The following PCDHGA6 variants were observed in gnomAD, a reference collection of about 807,000 sequenced individuals.
PCDHGA6 encodes protocadherin gamma-A6.
Under a neutral mutation model 60.6 loss-of-function variants are expected in PCDHGA6, and 41 were observed. That is an observed-to-expected ratio of 0.68 (90% confidence interval 0.53 to 0.88). PCDHGA6 has a LOEUF of 0.88. Among genes scored for constraint, PCDHGA6 ranks in the 40% least tolerant of loss-of-function variants. The probability of loss-of-function intolerance (pLI) is 0.00; values close to 1 mark genes in which losing one functional copy is unlikely to be tolerated. For missense variants in PCDHGA6, 1,312 were observed against 1,203.0 expected (o/e 1.09, Z -1.34); for synonymous variants, 594 against 524.4 (o/e 1.13, Z -1.81).
intron 1 of PCDHGA6, among the ~76,000 whole-genome samples, chr5:141,444,257 C>T (rs376980362): frequency 1.2e-4 from 18 of 147,512 alleles, no homozygotes; most frequent in East Asian, 6.0e-4. Context: ...CTGCAACCTC[C>T]GCCTCCCAGG....
At chr5:141,474,398 C>A (rs1381347745) in intron 1 of PCDHGA6, among the ~76,000 whole-genome samples, 3 of 152,212 alleles carry the variant, frequency 2.0e-5, no homozygotes, top group Non-Finnish European at 4.4e-5. Context: ...TTCTAACAAG[C>A]TCCCCGGTGA....
intron 1 of PCDHGA6, chr5:141,398,744 G>C (rs1561665852): frequency 1.2e-6 from 2 of 1,613,854 alleles, no homozygotes; most frequent in East Asian, 4.5e-5. Flanking sequence ...GAACAACAGA[G>C]TTACCATCGT....
At chr5:141,501,330 CACA>C (rs1301023208) in intron 2 of PCDHGA6, among the ~76,000 whole-genome samples, 82 of 151,502 alleles carry the variant, frequency 5.4e-4, no homozygotes, top group Admixed American at 2.2e-3. Flanking sequence ...CACACACACA[CACA>C]CCCCAAACTC....
chr5:141,503,213 A>G (rs1368413073), intron 2 of PCDHGA6, among the ~76,000 whole-genome samples: 1 of 152,100 alleles, frequency 6.6e-6, no homozygotes, highest in Non-Finnish European at 1.5e-5. Flanking sequence ...AGTGCCCACC[A>G]TGAGCACCGT....
At chr5:141,410,706 G>A in intron 1 of PCDHGA6, 1 of 1,454,410 alleles carries the variant, frequency 6.9e-7, no homozygotes, top group Non-Finnish European at 9.2e-7. Flanking sequence ...TTCATATCTA[G>A]AATCATATGT....
intron 1 of PCDHGA6, chr5:141,389,157 C>G: frequency 6.2e-7 from 1 of 1,613,976 alleles, no homozygotes; most frequent in African/African-American, 1.3e-5. Flanking sequence ...GGCAACAGAT[C>G]GGGGCAAGCC....
In PCDHGA6 at chr5:141,485,251, C is replaced by T. The variant is rs748522322; in HGVS notation, c.2425-9556C>T. 7 of 1,614,092 alleles carry T rather than the reference C, an allele frequency of 4.3e-6. No individual in the cohort carries two copies. In the South Asian group the frequency reaches 6.6e-5, roughly 15 times the overall value. On this transcript the variant is annotated intron_variant, in intron 1 of 3. Transcript: ENST00000517434. This position sits in a 1 kb window ranked among gnomAD's most constrained non-coding sequence, Gnocchi z 5.7. The stretch of plus-strand genomic sequence containing the variant: ...TGTTCCTCTTTTACCACCTGGGTTA[C>T]GTTTGTGGGCAGATCCGCTACCCGG...
In PCDHGA6 at chr5:141,432,219, T is replaced by A. The variant is rs1327611752; in HGVS notation, c.2424+55712T>A. 6.2e-7 allele frequency: 1 copy of A among 1,614,122 alleles called. No homozygotes were observed. Among genetic ancestry groups the A allele is most frequent in the East Asian group, 2.2e-5 (1 of 44,868 alleles). On this transcript the variant is annotated intron_variant, in intron 1 of 3. Transcript: ENST00000517434. The surrounding 1 kb of genome is among the most constrained non-coding windows in gnomAD (Gnocchi z 6.0). The stretch of plus-strand genomic sequence containing the variant: ...CCCGACTGTGAAGAGAACGCCCAGA[T>A]CACTTATTCCCTGGCTGAGAACACC...
chr5:141,413,385 A>C, intron 1 of PCDHGA6: 1 of 1,613,990 alleles, frequency 6.2e-7, no homozygotes, highest in South Asian at 1.1e-5. Flanking sequence ...GAGTCCGCAT[A>C]GTCTCCAGAG....
At chr5:141,482,570 C>A (rs2099568543) in intron 1 of PCDHGA6, among the ~76,000 whole-genome samples, 1 of 144,954 alleles carries the variant, frequency 6.9e-6, no homozygotes, top group African/African-American at 2.6e-5. Context: ...ATCTGCATAG[C>A]ATAAGATGCA....
At chr5:141,502,887 G>T (rs2099816882) in intron 2 of PCDHGA6, among the ~76,000 whole-genome samples, 1 of 40,910 alleles carries the variant, frequency 2.4e-5, no homozygotes, top group Non-Finnish European at 4.5e-5. Context: ...TTTTGACAGG[G>T]AGTCTAGCTC....
Position 141,485,741 on chromosome 5 carries a change from C to A in PCDHGA6, c.2425-9066C>A. 6.2e-7 allele frequency: 1 copy of A among 1,614,180 alleles called. No homozygotes were observed. Among genetic ancestry groups the A allele is most frequent in the Non-Finnish European group, 8.5e-7 (1 of 1,179,992 alleles). On this transcript the variant is annotated intron_variant, in intron 1 of 3. Coordinates refer to ENST00000517434, the MANE Select transcript of PCDHGA6 (RefSeq NM_018919.3). This position sits in a 1 kb window ranked among gnomAD's most constrained non-coding sequence, Gnocchi z 5.7. ...TGTGAAGAAGCGCAGCGACGGCAGC[C>A]TGGTCCCAGAGCTGCTCCTGGAGAA...
Position 141,381,442 on chromosome 5 carries a change from A to AC in PCDHGA6, c.2424+4936dup, listed in dbSNP as rs551572598. 7.9e-5 allele frequency among the ~76,000 whole-genome samples: 12 copies of AC among 152,360 alleles called. No individual in the cohort carries two copies. In the South Asian group the frequency reaches 2.5e-3, roughly 32 times the overall value. The stretch of plus-strand genomic sequence containing the variant: ...GAGTACCTCTAAGGATCCTGTCAGG[A>AC]CAGTCCTGCATTTTGCTCAAATGCT... On this transcript the variant is annotated intron_variant, in intron 1 of 3. Transcript: ENST00000517434.
At chr5:141,461,441 T>A (rs959248029) in intron 1 of PCDHGA6, among the ~76,000 whole-genome samples, 7 of 152,194 alleles carry the variant, frequency 4.6e-5, no homozygotes, top group Admixed American at 4.6e-4. Flanking sequence ...TACCTTCTTT[T>A]GAGAAATGGC....
chr5:141,383,179 G>C, intron 1 of PCDHGA6: 1 of 1,614,124 alleles, frequency 6.2e-7, no homozygotes, highest in Non-Finnish European at 8.5e-7. Context: ...AGACCGGGAA[G>C]AGATCTGCGC....
intron 1 of PCDHGA6, chr5:141,395,163 G>A: frequency 6.2e-7 from 1 of 1,614,160 alleles, no homozygotes; most frequent in Middle Eastern, 1.6e-4. Flanking sequence ...CAGTCAGGAG[G>A]GCTGTGAGAA....
Position 141,384,229 on chromosome 5 carries a change from G to A in PCDHGA6, c.2424+7722G>A, listed in dbSNP as rs571021830. The A allele has an allele frequency of 3.1e-6, 5 of 1,613,904 alleles. No individual in the cohort carries two copies. In the South Asian group the frequency reaches 5.5e-5, roughly 18 times the overall value. On this transcript the variant is annotated intron_variant, in intron 1 of 3. Transcript: ENST00000517434. The stretch of plus-strand genomic sequence containing the variant: ...AACTCACATATTCATGCAGGTGGCA[G>A]ACACCAACGATAACCCACCCACCTT...
intron 1 of PCDHGA6, chr5:141,430,974 C>G: frequency 6.2e-7 from 1 of 1,613,072 alleles, no homozygotes; most frequent in East Asian, 2.2e-5. Flanking sequence ...AGAGGTAGGA[C>G]GCAGCTTTTC....
At chr5:141,433,560 G>A (rs1276743163) in intron 1 of PCDHGA6, among the ~76,000 whole-genome samples, 1 of 152,110 alleles carries the variant, frequency 6.6e-6, no homozygotes, top group East Asian at 1.9e-4. Flanking sequence ...TTCTGGCTGG[G>A]CGCGGTGGCT....
Sources: gnomAD v4.1 joint callset for allele counts (sites outside exome capture counted in the v4.1 genomes callset) on GRCh38, gnomAD v4.1.1 for gene constraint, Gnocchi (gnomAD v3.1) non-coding constraint, MANE v1.5 for transcripts, NCBI Gene and HGNC (gene_info 2026-07-23, HGNC 2026-07-21) for gene names.